The following ZDHHC14 variants were observed in gnomAD, a reference collection of about 807,000 sequenced individuals.
The protein encoded by ZDHHC14 is palmitoyltransferase ZDHHC14.
In ZDHHC14, 16 loss-of-function variants were observed where a neutral mutation model predicts 47.7. The observed-to-expected ratio is 0.34, with a 90% CI of 0.23 to 0.51. The LOEUF is 0.51. Ranked by LOEUF, ZDHHC14 falls within the 20% of genes least tolerant of loss-of-function variation. The pLI is 0.97. For missense variants in ZDHHC14, 515 were observed against 662.5 expected (o/e 0.78, Z 2.44); for synonymous variants, 293 against 278.9 (o/e 1.05, Z -0.50).
intron 1 of ZDHHC14, among the ~76,000 whole-genome samples, chr6:157,440,272 A>G (rs908478735): frequency 6.6e-6 from 1 of 152,158 alleles, no homozygotes; most frequent in African/African-American, 2.4e-5. Flanking sequence ...ACATTTCTGC[A>G]AGAAGAACCA....
intron 1 of ZDHHC14, among the ~76,000 whole-genome samples, chr6:157,494,300 G>A (rs1240769736): frequency 2.6e-5 from 4 of 152,160 alleles, no homozygotes; most frequent in African/African-American, 7.2e-5. Flanking sequence ...GAGATCAGCC[G>A]TCCTTGGATG....
rs1783371397 is a variant in ZDHHC14, at chr6:157,578,040, G to T, written c.407-14948G>T. The stretch of plus-strand genomic sequence containing the variant: ...TGTCCTTTGCCCACTTTTTAATGGG[G>T]TTGTTTTTTTTTCTTGTAAATTCAT... On this transcript the variant is annotated intron_variant, in intron 2 of 8. Transcript: ENST00000359775. Among the ~76,000 whole-genome samples, 5 of 149,284 alleles carry T rather than the reference G, an allele frequency of 3.3e-5. No individual in the cohort carries two copies. The East Asian group carries it at 7.7e-4, about 23-fold the overall frequency.
intron 2 of ZDHHC14, among the ~76,000 whole-genome samples, chr6:157,590,142 G>A (rs369930563): frequency 6.6e-6 from 1 of 152,184 alleles, no homozygotes; most frequent in South Asian, 2.1e-4. Flanking sequence ...AGGTGACAGA[G>A]CATAAACGTT....
chr6:157,438,733 C>T lies in ZDHHC14; in HGVS notation c.245+56467C>T, dbSNP rs149384384. On this transcript the variant is annotated intron_variant, in intron 1 of 8. Transcript: ENST00000359775. Reference sequence around the variant, plus strand: ...TATCTCAGGCATTGTTTTTGAAATCCGAAAGTCTGGATGTCATATTAAAAG... The same window carrying T: ...TATCTCAGGCATTGTTTTTGAAATCTGAAAGTCTGGATGTCATATTAAAAG... 5.7e-3 allele frequency among the ~76,000 whole-genome samples: 874 copies of T among 152,188 alleles called. 10 individuals are homozygous for T. Among genetic ancestry groups the T allele is most frequent in the African/African-American group, 0.02 (836 of 41,514 alleles).
At chr6:157,454,275 C>A (rs917879823) in intron 1 of ZDHHC14, among the ~76,000 whole-genome samples, 1 of 152,152 alleles carries the variant, frequency 6.6e-6, no homozygotes, top group Non-Finnish European at 1.5e-5. Flanking sequence ...TTAAGCACTG[C>A]CTACATATTT....
At chr6:157,512,023 G>T (rs755936256) in intron 1 of ZDHHC14, among the ~76,000 whole-genome samples, 1 of 152,172 alleles carries the variant, frequency 6.6e-6, no homozygotes, top group Non-Finnish European at 1.5e-5. Flanking sequence ...GAACTGGAAC[G>T]GTGAAGAAGG....
At position 157,613,118 on chromosome 6, in the gene ZDHHC14, C is replaced by T. The variant is rs1583020300; in HGVS notation, c.566-15231C>T. 4.6e-5 allele frequency among the ~76,000 whole-genome samples: 7 copies of T among 152,330 alleles called. No homozygotes were observed. The East Asian group carries it at 9.6e-4, about 21-fold the overall frequency. On this transcript the variant is annotated intron_variant, in intron 3 of 8. Coordinates refer to ENST00000359775, the MANE Select transcript of ZDHHC14 (RefSeq NM_024630.3). ...AAAATGACTCATGGTGTCTTTAGGTCTGTGACTGACGCAACCTACACGTGT... is the reference window on the plus strand; with the variant it reads ...AAAATGACTCATGGTGTCTTTAGGTTTGTGACTGACGCAACCTACACGTGT...
In ZDHHC14 at chr6:157,432,571, C is replaced by A. The variant is rs192455883; in HGVS notation, c.245+50305C>A. Among the ~76,000 whole-genome samples, 329 of 152,284 alleles carry A rather than the reference C, an allele frequency of 2.2e-3. 1 individual carries two copies. The highest frequency in any genetic ancestry group is 7.6e-3 in the African/African-American group (316 of 41,544). On this transcript the variant is annotated intron_variant, in intron 1 of 8. Coordinates refer to ENST00000359775, the MANE Select transcript of ZDHHC14 (RefSeq NM_024630.3). Reference sequence around the variant, plus strand: ...GCAATTTATTTTCGTTGCCTGGTAGCCTTCCAATAGGAGGTGGTTTCTTGG... The same window carrying A: ...GCAATTTATTTTCGTTGCCTGGTAGACTTCCAATAGGAGGTGGTTTCTTGG...
intron 1 of ZDHHC14, among the ~76,000 whole-genome samples, chr6:157,510,646 C>T (rs1277788997): frequency 1.3e-5 from 2 of 152,248 alleles, no homozygotes; most frequent in African/African-American, 4.8e-5. Context: ...TTTCTTTCTC[C>T]ACCTGCCTCC....
rs371520665 is a variant in ZDHHC14 at position 157,578,258 on chromosome 6, T to G, written c.407-14730T>G. On this transcript the variant is annotated intron_variant, in intron 2 of 8. Transcript: ENST00000359775. Reference sequence around the variant, plus strand: ...TTGCTATTGGTGTCTTCATCATAAATCTTTGCCAGGTCCTATGTCCAGAAT... The same window carrying G: ...TTGCTATTGGTGTCTTCATCATAAAGCTTTGCCAGGTCCTATGTCCAGAAT... Among the ~76,000 whole-genome samples, 19 of 152,380 alleles carry G rather than the reference T, an allele frequency of 1.2e-4. No individual in the cohort carries two copies. In the East Asian group the frequency reaches 2.9e-3, roughly 23 times the overall value.
intron 2 of ZDHHC14, among the ~76,000 whole-genome samples, chr6:157,564,066 G>T (rs886147278): frequency 6.6e-6 from 1 of 152,214 alleles, no homozygotes; most frequent in Non-Finnish European, 1.5e-5. Context: ...GAAATTCAAA[G>T]AATGTCTCAG....
At chr6:157,460,374 G>A (rs1779047724) in intron 1 of ZDHHC14, among the ~76,000 whole-genome samples, 1 of 136,006 alleles carries the variant, frequency 7.4e-6, no homozygotes, top group Non-Finnish European at 1.5e-5. Context: ...ACTCCAGCCT[G>A]GGCAACAGAG....
rs761294876 is a variant in ZDHHC14, at chr6:157,381,530, A to T, written c.-492A>T. 2.5e-6 allele frequency: 1 copy of T among 406,478 alleles called. No individual in the cohort carries two copies. The highest frequency in any genetic ancestry group is 1.7e-5 in the South Asian group (1 of 60,256). The allele number at this position is 406,478 out of a possible 1,614,324, so 25.2% of individuals were successfully genotyped here. On this transcript the variant is annotated 5_prime_UTR_variant, in exon 1 of 9. Coordinates refer to ENST00000359775, the MANE Select transcript of ZDHHC14 (RefSeq NM_024630.3). ...GGGAGGATCCGCTGCCGGAGGAAGG[A>T]GTGGACCCAACCTGGCCGCGCCGCA... is the stretch of plus-strand genomic sequence containing the variant.
intron 1 of ZDHHC14, among the ~76,000 whole-genome samples, chr6:157,510,777 G>T (rs1780446799): frequency 6.6e-6 from 1 of 152,194 alleles, no homozygotes; most frequent in Non-Finnish European, 1.5e-5. Context: ...CCCAGCAAGG[G>T]GGGCGTTCAT....
chr6:157,627,611 C>T (rs1333653189), intron 3 of ZDHHC14, among the ~76,000 whole-genome samples: 3 of 152,188 alleles, frequency 2.0e-5, no homozygotes, highest in East Asian at 1.9e-4. Context: ...ATCGGACCCT[C>T]TGTCATTTAT....
rs747243870 is a variant in ZDHHC14 at position 157,636,342 on chromosome 6, T to TGC, written c.752+3461_752+3462insCG. 1.9e-4 allele frequency among the ~76,000 whole-genome samples: 29 copies of TGC among 150,894 alleles called. No individual in the cohort carries two copies. The East Asian group carries it at 4.9e-3, about 25-fold the overall frequency. ...GACTATATAAGGATATATAAGTGTG[T>TGC]GTGTGTGTGTGTGTGTGTGCATGCA... On this transcript the variant is annotated intron_variant, in intron 5 of 8. Transcript: ENST00000359775.
At chr6:157,644,218 C>T (rs553333825) in intron 5 of ZDHHC14, among the ~76,000 whole-genome samples, 2 of 152,334 alleles carry the variant, frequency 1.3e-5, no homozygotes, top group East Asian at 3.9e-4. Flanking sequence ...GAGTTGCCTC[C>T]CAAGTCTGTC....
At chr6:157,495,441 T>C (rs2114732274) in intron 1 of ZDHHC14, among the ~76,000 whole-genome samples, 1 of 152,318 alleles carries the variant, frequency 6.6e-6, no homozygotes, top group East Asian at 1.9e-4. Context: ...GCTGCTCATG[T>C]ATCATGGATG....
chr6:157,564,236 G>A (rs1318887822), intron 2 of ZDHHC14, among the ~76,000 whole-genome samples: 4 of 152,128 alleles, frequency 2.6e-5, no homozygotes, highest in African/African-American at 9.7e-5. Flanking sequence ...GGCAGGGCGG[G>A]GGCTTTGGTT....
Sources: gnomAD v4.1 joint callset for allele counts (sites outside exome capture counted in the v4.1 genomes callset) on GRCh38, gnomAD v4.1.1 for gene constraint, MANE v1.5 for transcripts, NCBI Gene and HGNC (gene_info 2026-07-23, HGNC 2026-07-21) for gene names.